Variants in GABRG3 observed in about 807,000 individuals in gnomAD.
GABRG3 encodes gamma-aminobutyric acid receptor subunit gamma-3.
A neutral mutation model predicts 48.8 loss-of-function variants in GABRG3; 25 were observed. The ratio of observed to expected loss-of-function variants is 0.51; its 90% CI spans 0.37 to 0.72. The LOEUF (loss-of-function observed/expected upper bound fraction) is 0.72, where lower values mean the gene tolerates loss of function less well. Among genes scored for constraint, GABRG3 ranks in the 30% least tolerant of loss-of-function variants. The pLI, the probability that GABRG3 is intolerant of heterozygous loss-of-function variation, is 0.00. For missense variants in GABRG3, 394 were observed against 577.9 expected (o/e 0.68, Z 3.26); for synonymous variants, 227 against 217.6 (o/e 1.04, Z -0.38).
At position 27,527,622 on chromosome 15, in the gene GABRG3, C is replaced by G; in HGVS notation, c.1055C>G (p.Thr352Arg). The G allele has an allele frequency of 6.2e-7, 1 of 1,605,162 alleles. No individual in the cohort carries two copies. The highest frequency in any genetic ancestry group is 8.5e-7 in the Non-Finnish European group (1 of 1,176,304). Reference protein sequence around the residue: ...SCRKPTTTKKTTSLLHPDSSR... With the variant: ...SCRKPTTTKKRTSLLHPDSSR... ...AGAAAACCAACCACCACGAAGAAGA[C>G]AACATCGGTGAGCTGCAGTAGCAAA... The change falls in exon 8 of 10, where the codon ACA (threonine) becomes AGA (arginine). Residue 352 changes from threonine to arginine, a missense_variant. Transcript: ENST00000615808.
At position 27,291,841 on chromosome 15, in the gene GABRG3, A is replaced by G. The variant is rs143418328; in HGVS notation, c.271-34968A>G. 4.6e-5 allele frequency among the ~76,000 whole-genome samples: 7 copies of G among 152,196 alleles called. No homozygotes were observed. The East Asian group carries it at 1.2e-3, about 25-fold the overall frequency. On this transcript the variant is annotated intron_variant, in intron 3 of 9. Transcript: ENST00000615808. ...GAGAAGAGCCTAGTGTTTTTCTTCT[A>G]TGTTCAATAAATTTGGGTATTGATC...
intron 5 of GABRG3, among the ~76,000 whole-genome samples, chr15:27,442,349 A>G (rs1450097477): frequency 6.6e-6 from 1 of 152,234 alleles, no homozygotes; most frequent in Non-Finnish European, 1.5e-5. Context: ...CAGCCTCAGG[A>G]AGATGGGCAA....
chr15:27,410,365 T>A (rs570630555), intron 5 of GABRG3, among the ~76,000 whole-genome samples: 1 of 152,324 alleles, frequency 6.6e-6, no homozygotes, highest in Non-Finnish European at 1.5e-5. Context: ...TGTACTTTTT[T>A]AGTTTAGCTT....
intron 3 of GABRG3, among the ~76,000 whole-genome samples, chr15:27,077,064 G>A (rs1191183168): frequency 6.6e-6 from 1 of 152,130 alleles, no homozygotes; most frequent in East Asian, 1.9e-4. Flanking sequence ...ATTCTGTAAC[G>A]CTGCTGAAGT....
intron 5 of GABRG3, among the ~76,000 whole-genome samples, chr15:27,334,802 GA>G (rs1290930126): frequency 1.3e-5 from 2 of 152,006 alleles, no homozygotes; most frequent in Non-Finnish European, 2.9e-5. Flanking sequence ...AAATACATAG[GA>G]AAAAATATTC....
chr15:27,491,862 G>A (rs1890363877), intron 6 of GABRG3, among the ~76,000 whole-genome samples: 2 of 152,134 alleles, frequency 1.3e-5, no homozygotes, highest in Admixed American at 1.3e-4. Flanking sequence ...CAAATATGCG[G>A]GCTATTTAGG....
At chr15:27,406,771 T>C (rs1887648284) in intron 5 of GABRG3, among the ~76,000 whole-genome samples, 1 of 152,144 alleles carries the variant, frequency 6.6e-6, no homozygotes. Context: ...TAAAGAGTAG[T>C]ACACCAATGT....
At chr15:27,212,820 G>A (rs1298610285) in intron 3 of GABRG3, among the ~76,000 whole-genome samples, 1 of 152,120 alleles carries the variant, frequency 6.6e-6, no homozygotes, top group African/African-American at 2.4e-5. Flanking sequence ...TCATACCAGT[G>A]GAGTCTTATG....
chr15:27,504,810 T>C (rs1890725303), intron 6 of GABRG3, among the ~76,000 whole-genome samples: 1 of 152,184 alleles, frequency 6.6e-6, no homozygotes, highest in South Asian at 2.1e-4. Context: ...TATTTTGCCT[T>C]CATTCTTTGA....
rs183531795 is a variant in GABRG3 at position 27,388,608 on chromosome 15, A to T, written c.574+59720A>T. Among the ~76,000 whole-genome samples, 165 of 152,204 alleles carry T rather than the reference A, an allele frequency of 1.1e-3. 2 individuals carry two copies. In the East Asian group the frequency reaches 0.027, roughly 25 times the overall value. ...AATGTTTAGGAAAAGTCACTCAAAG[A>T]GCTGTGGGGTGCTGGGATGGTAGAT... On this transcript the variant is annotated intron_variant, in intron 5 of 9. Coordinates refer to ENST00000615808, the MANE Select transcript of GABRG3 (RefSeq NM_033223.5).
chr15:27,261,903 A>G (rs1022591716), intron 3 of GABRG3, among the ~76,000 whole-genome samples: 1 of 150,482 alleles, frequency 6.6e-6, no homozygotes, highest in Non-Finnish European at 1.5e-5. Context: ...TTTTCCCTGT[A>G]AGCCTCTGGG....
intron 5 of GABRG3, among the ~76,000 whole-genome samples, chr15:27,465,878 G>A (rs545345947): frequency 9.4e-5 from 14 of 148,536 alleles, no homozygotes; most frequent in Non-Finnish European, 1.6e-4. Context: ...ATGTTCTTTT[G>A]TATTCTGCTG....
At chr15:27,207,714 C>G (rs1352350782) in intron 3 of GABRG3, among the ~76,000 whole-genome samples, 1 of 152,136 alleles carries the variant, frequency 6.6e-6, no homozygotes, top group African/African-American at 2.4e-5. Context: ...TGCTAGCGCT[C>G]AAGGTGCTGA....
At position 27,042,574 on chromosome 15, in the gene GABRG3, G is replaced by T. The variant is rs115688218; in HGVS notation, c.270+15753G>T. Among the ~76,000 whole-genome samples, 607 of 152,274 alleles carry T rather than the reference G, an allele frequency of 4.0e-3. 3 individuals carry two copies. Among genetic ancestry groups the T allele is most frequent in the African/African-American group, 0.014 (592 of 41,558 alleles). ...GGGTGCTGTTCCTGGCTCCTCCCCT[G>T]CCCTCCACCATGTCCCGCACACATC... On this transcript the variant is annotated intron_variant, in intron 3 of 9. Coordinates refer to ENST00000615808, the MANE Select transcript of GABRG3 (RefSeq NM_033223.5).
At chr15:27,048,691 C>T (rs117620816) in intron 3 of GABRG3, among the ~76,000 whole-genome samples, 7,766 of 152,270 alleles carry the variant, frequency 0.051, 260 homozygotes, top group South Asian at 0.084. Flanking sequence ...AGAAAGATGT[C>T]TTCAATGACG....
At chr15:27,305,119 A>G (rs1283455225) in intron 3 of GABRG3, among the ~76,000 whole-genome samples, 3 of 151,846 alleles carry the variant, frequency 2.0e-5, no homozygotes, top group Non-Finnish European at 4.4e-5. Flanking sequence ...CATATGGTGT[A>G]AGGCAACAGT....
intron 3 of GABRG3, among the ~76,000 whole-genome samples, chr15:27,126,254 A>G (rs1017913088): frequency 3.3e-5 from 5 of 152,210 alleles, no homozygotes; most frequent in Non-Finnish European, 7.3e-5. Context: ...AAATCATATT[A>G]TCACCTTAAT....
At chr15:27,256,250 G>A (rs781120615) in intron 3 of GABRG3, among the ~76,000 whole-genome samples, 2 of 151,774 alleles carry the variant, frequency 1.3e-5, no homozygotes, top group Non-Finnish European at 2.9e-5. Flanking sequence ...AGACCATCCT[G>A]GCTAACATGG....
intron 3 of GABRG3, among the ~76,000 whole-genome samples, chr15:27,089,531 G>T (rs1897149342): frequency 6.6e-6 from 1 of 152,146 alleles, no homozygotes; most frequent in South Asian, 2.1e-4. Context: ...AGAGTTGAAA[G>T]GCAGTTCGGA....
Sources: allele counts gnomAD v4.1 joint callset (sites outside exome capture counted in the v4.1 genomes callset), GRCh38; gene constraint gnomAD v4.1.1; transcripts MANE v1.5; gene names NCBI Gene and HGNC (gene_info 2026-07-23, HGNC 2026-07-21).